PHF14: variants seen among roughly 807,000 people sequenced by gnomAD.
PHF14 encodes PHD finger protein 14.
PHF14 carries 55 observed loss-of-function variants against 117.9 expected under a neutral mutation model. That is an observed-to-expected ratio of 0.47 (90% confidence interval 0.38 to 0.58). The LOEUF is 0.58. Among genes scored for constraint, PHF14 ranks in the 20% least tolerant of loss-of-function variants. PHF14 has a pLI of 0.00. For synonymous variants in PHF14, 409 were observed against 368.6 expected, an observed-to-expected ratio of 1.11 and a Z score of -1.26; for missense variants, 978 against 1,122.2, an observed-to-expected ratio of 0.87 and a Z score of 1.84.
intron 17 of PHF14, among the ~76,000 whole-genome samples, chr7:11,118,566 T>A (rs1787663221): frequency 6.6e-6 from 1 of 151,936 alleles, no homozygotes; most frequent in Non-Finnish European, 1.5e-5. Context: ...TGAACATTTA[T>A]GTCCTGAATT....
intron 17 of PHF14, among the ~76,000 whole-genome samples, chr7:11,160,355 C>T (rs1230649204): frequency 6.6e-6 from 1 of 152,178 alleles, no homozygotes; most frequent in African/African-American, 2.4e-5. Flanking sequence ...AACAGTGCTG[C>T]AGTGAACATA....
intron 16 of PHF14, among the ~76,000 whole-genome samples, chr7:11,078,692 C>T (rs1489029101): frequency 1.3e-5 from 2 of 152,014 alleles, no homozygotes; most frequent in African/African-American, 4.8e-5. Context: ...ATTGACCCAT[C>T]GTATTTTTAA....
chr7:11,019,281 G>A (rs114343275), intron 5 of PHF14, among the ~76,000 whole-genome samples: 3,918 of 152,158 alleles, frequency 0.026, 134 homozygotes, highest in East Asian at 0.1. Context: ...CTCTTCCTCT[G>A]TTTTTTGGAA....
chr7:11,123,740 A>G (rs959276105), intron 17 of PHF14, among the ~76,000 whole-genome samples: 11 of 152,024 alleles, frequency 7.2e-5, no homozygotes, highest in Non-Finnish European at 1.3e-4. Context: ...AGATCACACC[A>G]CTACACTCCA....
intron 4 of PHF14, among the ~76,000 whole-genome samples, chr7:10,992,475 C>T (rs1339503271): frequency 1.3e-5 from 2 of 151,104 alleles, no homozygotes; most frequent in Non-Finnish European, 3.0e-5. Context: ...CCAGCCTGGC[C>T]AACATGGCGA....
At chr7:11,097,453 A>T (rs17163954) in intron 16 of PHF14, among the ~76,000 whole-genome samples, 12,311 of 152,196 alleles carry the variant, frequency 0.081, 528 homozygotes, top group African/African-American at 0.1. Flanking sequence ...ATGACTAGGG[A>T]TCACCATTAG....
chr7:10,974,937 A>G lies in PHF14; in HGVS notation c.104A>G (p.Asp35Gly). Residue 35 changes from aspartate (D) to glycine (G), a missense_variant, in exon 2 of 18, where the codon GAT (aspartate) becomes GGT (glycine). This residue lies in a region of PHF14 where 414 missense variants were observed against 376.4 expected (regional missense o/e 1.10). Transcript: ENST00000634607. ...GATGACAGTGATTTTAAAGTTGGAG[A>G]TGCCTCAGGTAAATATTTCCTTCTC... ...SSDDSDFKVG[D>G]ASDSEGSGNG... 1.4e-6 allele frequency: 2 copies of G among 1,475,280 alleles called. No homozygotes were observed. Among genetic ancestry groups the G allele is most frequent in the Non-Finnish European group, 1.9e-6 (2 of 1,066,394 alleles). 91.4% of individuals were successfully genotyped at this position (1,475,280 alleles called of 1,614,324 possible).
At chr7:11,000,767 T>C (rs1057293530) in intron 4 of PHF14, among the ~76,000 whole-genome samples, 3 of 152,194 alleles carry the variant, frequency 2.0e-5, no homozygotes, top group Admixed American at 2.0e-4. Flanking sequence ...ATCAGTTCTT[T>C]ATCAGATAGG....
chr7:11,078,904 A>C (rs910514428), intron 16 of PHF14, among the ~76,000 whole-genome samples: 1 of 152,166 alleles, frequency 6.6e-6, no homozygotes, highest in Non-Finnish European at 1.5e-5. Context: ...GGACTAAAAT[A>C]TGTAGATTAA....
intron 16 of PHF14, among the ~76,000 whole-genome samples, chr7:11,089,163 C>G (rs1431997995): frequency 2.6e-5 from 4 of 151,720 alleles, no homozygotes; most frequent in Non-Finnish European, 4.4e-5. Context: ...AACCTTTTAT[C>G]AGGAGCAACC....
At chr7:11,127,944 G>C (rs1418811689) in intron 17 of PHF14, among the ~76,000 whole-genome samples, 1 of 151,232 alleles carries the variant, frequency 6.6e-6, no homozygotes, top group Non-Finnish European at 1.5e-5. Context: ...CTTTATACCA[G>C]TTCCTGAACT....
intron 17 of PHF14, among the ~76,000 whole-genome samples, chr7:11,162,515 C>G (rs569109585): frequency 3.3e-5 from 5 of 152,116 alleles, no homozygotes; most frequent in African/African-American, 9.6e-5. Flanking sequence ...TACTTATCAT[C>G]CATCATTCAT....
chr7:11,060,644 G>A (rs1785191459), intron 14 of PHF14, among the ~76,000 whole-genome samples: 1 of 152,148 alleles, frequency 6.6e-6, no homozygotes, highest in East Asian at 1.9e-4. Context: ...GACACCTTGA[G>A]AAGCAAGTCT....
intron 16 of PHF14, chr7:11,103,912 T>C (rs1333512186): frequency 1.0e-5 from 10 of 981,278 alleles, no homozygotes; most frequent in Admixed American, 6.2e-5. Flanking sequence ...GCAAAACTAG[T>C]AGACTTTTGT....
intron 16 of PHF14, among the ~76,000 whole-genome samples, chr7:11,075,579 T>G (rs1174846697): frequency 6.7e-6 from 1 of 148,604 alleles, no homozygotes; most frequent in Non-Finnish European, 1.5e-5. Flanking sequence ...TTTTTTTTTT[T>G]TTTTTTTTTT....
chr7:11,021,051 A>G (rs923526257), intron 5 of PHF14, among the ~76,000 whole-genome samples: 1 of 152,244 alleles, frequency 6.6e-6, no homozygotes, highest in African/African-American at 2.4e-5. Flanking sequence ...AGAGCACTTC[A>G]AACTCCAATT....
At chr7:10,985,509 A>G (rs1269624312) in intron 3 of PHF14, among the ~76,000 whole-genome samples, 1 of 152,038 alleles carries the variant, frequency 6.6e-6, no homozygotes, top group Non-Finnish European at 1.5e-5. Flanking sequence ...AAGTTTCTTA[A>G]GGGAACTTGA....
At chr7:11,148,429 C>G (rs1583502513) in intron 17 of PHF14, among the ~76,000 whole-genome samples, 1 of 152,158 alleles carries the variant, frequency 6.6e-6, no homozygotes, top group African/African-American at 2.4e-5. Context: ...TCTCACAGAT[C>G]AGTACATGAC....
At chr7:10,981,253 T>C (rs1782034937) in intron 2 of PHF14, among the ~76,000 whole-genome samples, 1 of 152,204 alleles carries the variant, frequency 6.6e-6, no homozygotes, top group Admixed American at 6.5e-5. Flanking sequence ...ATTTTATCAT[T>C]ACCTTTTTCT....
Sources: gnomAD v4.1 joint callset for allele counts (sites outside exome capture counted in the v4.1 genomes callset) on GRCh38, gnomAD v4.1.1 for gene constraint, gnomAD v4.1.1 regional missense constraint, MANE v1.5 for transcripts, NCBI Gene and HGNC (gene_info 2026-07-23, HGNC 2026-07-21) for gene names.